The following EPB41L4B variants were observed in gnomAD, a reference collection of about 807,000 sequenced individuals.
The protein encoded by EPB41L4B is band 4.1-like protein 4B.
Under a neutral mutation model 112.5 loss-of-function variants are expected in EPB41L4B, and 30 were observed. The observed-to-expected ratio is 0.27, with a 90% CI of 0.20 to 0.36. The LOEUF (loss-of-function observed/expected upper bound fraction) is 0.36. Among genes scored for constraint, EPB41L4B ranks in the 10% least tolerant of loss-of-function variants. The pLI is 1.00. For synonymous variants in EPB41L4B, 408 were observed against 439.7 expected (o/e 0.93, Z 0.90); for missense variants, 1,024 against 1,133.3 (o/e 0.90, Z 1.38).
At chr9:109,174,653 G>T (rs756902299) in intron 25 of EPB41L4B, 30 bp from the exon 26 acceptor site, 2 of 1,598,200 alleles carry the variant, frequency 1.3e-6, no homozygotes, top group Non-Finnish European at 8.6e-7. Context: ...AAAATAGTGA[G>T]ACAATCCCTC....
chr9:109,247,807 C>CA lies in EPB41L4B; in HGVS notation c.1311-19dup, dbSNP rs765910667. The CA allele has an allele frequency of 2.0e-6, 3 of 1,466,570 alleles. No individual in the cohort carries two copies. The highest frequency in any genetic ancestry group is 2.7e-6 in the Non-Finnish European group (3 of 1,103,584). 90.8% of individuals were successfully genotyped at this position (1,466,570 alleles called of 1,614,324 possible). A position where few individuals can be genotyped will look rare whatever the true frequency, so the allele number is the denominator to read the frequency against. On this transcript the variant is annotated intron_variant, in intron 13 of 25. Transcript: ENST00000374566. Reference sequence around the variant, plus strand: ...TTTTAGAGCTAAACAAACAAACAAACAAAAAACAGAAAAAAAAAGAAAAAT... The same window carrying CA: ...TTTTAGAGCTAAACAAACAAACAAACAAAAAAACAGAAAAAAAAAGAAAAAT...
At position 109,174,486 on chromosome 9, in the gene EPB41L4B, C is replaced by T. The variant is rs542698660; in HGVS notation, c.*68G>A. ...CTTGTATGCTGTGCTAGAGTGAGCA[C>T]ACAAAGCCCGAAGAAAGAAGACGGA... On this transcript the variant is annotated 3_prime_UTR_variant, in exon 26 of 26. Coordinates refer to ENST00000374566, the MANE Select transcript of EPB41L4B (RefSeq NM_019114.5). 4.5e-5 allele frequency: 65 copies of T among 1,460,056 alleles called. 1 individual carries two copies. In the East Asian group the frequency reaches 1.4e-3, roughly 32 times the overall value. 90.4% of individuals were successfully genotyped at this position (1,460,056 alleles called of 1,614,324 possible). A position where few individuals can be genotyped will look rare whatever the true frequency, so the allele number is the denominator to read the frequency against.
chr9:109,203,539 C>G lies in EPB41L4B; in HGVS notation c.1946+124G>C, dbSNP rs539880092. On this transcript the variant is annotated intron_variant, in intron 19 of 25. Transcript: ENST00000374566. ...GCCAGTCTTTTTCCATCTCTTTGGG[C>G]TCCTATTCTCTGTTTTATTTGTCCT... 218 of 773,402 alleles carry G rather than the reference C, an allele frequency of 2.8e-4. 1 individual carries two copies. In the South Asian group the frequency reaches 4.2e-3, roughly 15 times the overall value. The allele number at this position is 773,402 out of a possible 1,614,324, so 47.9% of individuals were successfully genotyped here.
intron 2 of EPB41L4B, among the ~76,000 whole-genome samples, chr9:109,274,039 C>T (rs148356020): frequency 1.8e-4 from 28 of 152,286 alleles, no homozygotes; most frequent in African/African-American, 4.8e-4. Flanking sequence ...TCCCAGCAGG[C>T]GCCATATCTA....
intron 16 of EPB41L4B, among the ~76,000 whole-genome samples, chr9:109,216,691 A>G (rs1424100035): frequency 6.6e-6 from 1 of 152,044 alleles, no homozygotes; most frequent in East Asian, 1.9e-4. Context: ...GAGGTGGAGA[A>G]CTGTGACCCT....
intron 21 of EPB41L4B, 132 bp from the exon 22 acceptor site, chr9:109,192,487 T>C (rs56088817): frequency 5.8e-5 from 33 of 567,698 alleles, no homozygotes; most frequent in African/African-American, 1.7e-4. Context: ...TCCCCTTGTA[T>C]TTCCCTCACC....
rs1225739369 is a variant in EPB41L4B, at chr9:109,320,525, G to C, written c.-79C>G. The C allele has an allele frequency of 2.4e-6, 2 of 848,538 alleles. No individual in the cohort carries two copies. Among genetic ancestry groups the C allele is most frequent in the Non-Finnish European group, 2.8e-6 (2 of 710,392 alleles). The allele number at this position is 848,538 out of a possible 1,614,324, so 52.6% of individuals were successfully genotyped here. ...GCTGCCGCTGCGCCGCCGCCCGGGA[G>C]CGTCCCGCGACGCCGTCAGTGCCCT... On this transcript the variant is annotated 5_prime_UTR_variant, in exon 1 of 26. Transcript: ENST00000374566.
At chr9:109,230,975 C>T (rs1588153763) in intron 15 of EPB41L4B, among the ~76,000 whole-genome samples, 2 of 152,128 alleles carry the variant, frequency 1.3e-5, no homozygotes, top group Admixed American at 1.3e-4. Flanking sequence ...GGCCAACAAT[C>T]AGGATGAAAA....
rs117411832 is a variant in EPB41L4B at position 109,311,812 on chromosome 9, T to G, written c.306+8329A>C. Among the ~76,000 whole-genome samples the G allele has an allele frequency of 8.7e-3, 1,320 of 152,190 alleles. 7 individuals are homozygous for G. Among genetic ancestry groups the G allele is most frequent in the Middle Eastern group, 0.034 (10 of 292 alleles). On this transcript the variant is annotated intron_variant, in intron 1 of 25. Transcript: ENST00000374566. ...GGAAAATGAGTCCGGAAACCTAAATTCAATCTGGCTCTCCCATACTTACCA... is the reference window on the plus strand; with the variant it reads ...GGAAAATGAGTCCGGAAACCTAAATGCAATCTGGCTCTCCCATACTTACCA...
chr9:109,176,682 G>A lies in EPB41L4B; in HGVS notation c.2502C>T (p.Asp834=), dbSNP rs754421889. Residue 834 remains aspartate (D), a synonymous_variant, in exon 25 of 26, where the codon GAC becomes GAT. Transcript: ENST00000374566. ...GGCCAGGACAGCACTGTAATTTACT[G>A]TCTCTGAAGTCTGCCTGGAGAAGAA... ...TGPQFTADFR[D]SKLQCCPGPT... The A allele has an allele frequency of 2.5e-6, 4 of 1,612,702 alleles. No homozygotes were observed. The South Asian group carries it at 4.4e-5, about 18-fold the overall frequency.
chr9:109,208,595 T>C (rs892494112), intron 17 of EPB41L4B, among the ~76,000 whole-genome samples: 1 of 152,260 alleles, frequency 6.6e-6, no homozygotes, highest in African/African-American at 2.4e-5. Flanking sequence ...ATATCTCATG[T>C]ATTCACTGAA....
At chr9:109,256,964 C>T (rs542695839) in intron 7 of EPB41L4B, among the ~76,000 whole-genome samples, 1 of 152,240 alleles carries the variant, frequency 6.6e-6, no homozygotes, top group South Asian at 2.1e-4. Flanking sequence ...ACAACAACAA[C>T]AAAATCACAG....
rs1835451470 is a variant in EPB41L4B, at chr9:109,267,512, T to C, written c.494A>G (p.Tyr165Cys). 1.2e-6 allele frequency: 2 copies of C among 1,613,732 alleles called. No individual in the cohort carries two copies. The highest frequency in any genetic ancestry group is 2.2e-5 in the East Asian group (1 of 44,880). Reference protein sequence around the residue: ...AYALHFRVKYYSSEPNNLREE... With the variant: ...AYALHFRVKYCSSEPNNLREE... The stretch of plus-strand genomic sequence containing the variant: ...ACGAAGGTTGTTTGGTTCTGAAGAA[T>C]AGTATTTAACTCGAAAGTGTAAAGC... The change falls in exon 4 of 26, where the codon TAT becomes TGT. Residue 165 changes from tyrosine to cysteine, a missense_variant. Coordinates refer to ENST00000374566, the MANE Select transcript of EPB41L4B (RefSeq NM_019114.5).
At chr9:109,222,146 C>A (rs1332487447) in intron 15 of EPB41L4B, among the ~76,000 whole-genome samples, 1 of 152,090 alleles carries the variant, frequency 6.6e-6, no homozygotes, top group Non-Finnish European at 1.5e-5. Context: ...AAGTGCATTT[C>A]ATAACACGTC....
intron 1 of EPB41L4B, among the ~76,000 whole-genome samples, chr9:109,286,510 A>G (rs1303112228): frequency 6.6e-6 from 1 of 152,186 alleles, no homozygotes; most frequent in Non-Finnish European, 1.5e-5. Flanking sequence ...TAGTGGTTAT[A>G]ACAGAAGACG....
chr9:109,207,020 G>T (rs530356042), intron 18 of EPB41L4B, among the ~76,000 whole-genome samples: 1 of 152,342 alleles, frequency 6.6e-6, no homozygotes, highest in African/African-American at 2.4e-5. Context: ...CCAGCCAGCT[G>T]ATGTCCCCTC....
chr9:109,232,311 A>AT (rs112471613), intron 15 of EPB41L4B, among the ~76,000 whole-genome samples: 8,217 of 146,862 alleles, frequency 0.056, 730 homozygotes, highest in African/African-American at 0.19. Context: ...TTTCTTACAG[A>AT]TTTTTTTTTT....
chr9:109,296,650 C>T (rs1836740554), intron 1 of EPB41L4B, among the ~76,000 whole-genome samples: 1 of 151,978 alleles, frequency 6.6e-6, no homozygotes. Context: ...CTTTGGGAGG[C>T]AGAGGCAGGA....
In EPB41L4B at chr9:109,255,769, C is replaced by T; in HGVS notation, c.999+5G>A. The stretch of plus-strand genomic sequence containing the variant: ...CAAGGGGGAAGAAATGGGAGCCAGG[C>T]CTACCTGATCATCATCCTCGACCAC... On this transcript the variant is annotated splice_donor_5th_base_variant and intron_variant, in intron 10 of 25. Transcript: ENST00000374566. 1 of 1,613,570 alleles carries T rather than the reference C, an allele frequency of 6.2e-7. No individual in the cohort carries two copies. The highest frequency in any genetic ancestry group is 8.5e-7 in the Non-Finnish European group (1 of 1,179,852).
Sources: allele counts gnomAD v4.1 joint callset (sites outside exome capture counted in the v4.1 genomes callset), GRCh38; gene constraint gnomAD v4.1.1; transcripts MANE v1.5; gene names NCBI Gene and HGNC (gene_info 2026-07-23, HGNC 2026-07-21).